Variants in NSUN3 observed in about 807,000 individuals in gnomAD.
NSUN3 encodes tRNA (cytosine(34)-C(5))-methyltransferase, mitochondrial.
A neutral mutation model predicts 36.8 loss-of-function variants in NSUN3; 24 were observed. The observed-to-expected ratio is 0.65, with a 90% CI of 0.47 to 0.92. The LOEUF (loss-of-function observed/expected upper bound fraction) is 0.92. Among genes scored for constraint, NSUN3 ranks in the 40% least tolerant of loss-of-function variants. The pLI is 0.00. For missense variants in NSUN3, 381 were observed against 392.8 expected, an observed-to-expected ratio of 0.97 and a Z score of 0.25; for synonymous variants, 146 against 145.2, an observed-to-expected ratio of 1.01 and a Z score of -0.04.
In NSUN3 at chr3:94,126,286, A is replaced by G; in HGVS notation, c.819A>G (p.Gln273=). ...GCACGCTTTCCAAGGCAGAAAATCA[A>G]GATGTGATCAGTGAAATTTTAAACT... ...STCTLSKAEN[Q]DVISEILNSH... The change falls in exon 6 of 6, where the codon CAA becomes CAG. Residue 273 remains glutamine (Q), a synonymous_variant. Coordinates refer to ENST00000314622, the MANE Select transcript of NSUN3 (RefSeq NM_022072.5). 5 of 1,614,138 alleles carry G rather than the reference A, an allele frequency of 3.1e-6. No homozygotes were observed. Among genetic ancestry groups the G allele is most frequent in the Non-Finnish European group, 4.2e-6 (5 of 1,179,998 alleles).
At chr3:94,104,796 G>A (rs2077379159) in intron 5 of NSUN3, among the ~76,000 whole-genome samples, 1 of 152,070 alleles carries the variant, frequency 6.6e-6, no homozygotes, top group South Asian at 2.1e-4. Flanking sequence ...TAAATAATTA[G>A]GAAGTTATGG....
chr3:94,110,452 G>A (rs1374878776), intron 5 of NSUN3, among the ~76,000 whole-genome samples: 1 of 152,002 alleles, frequency 6.6e-6, no homozygotes, highest in East Asian at 1.9e-4. Flanking sequence ...ATTCTCAGTA[G>A]GCTTGGATTT....
chr3:94,069,288 T>G (rs1439952683), intron 2 of NSUN3, among the ~76,000 whole-genome samples: 2 of 152,198 alleles, frequency 1.3e-5, no homozygotes, highest in South Asian at 4.1e-4. Flanking sequence ...CAAAATAGAA[T>G]AGGAAGCCAT....
At chr3:94,089,595 C>G (rs977275834) in intron 3 of NSUN3, among the ~76,000 whole-genome samples, 1 of 152,128 alleles carries the variant, frequency 6.6e-6, no homozygotes. Context: ...ACACACTGTG[C>G]GTGCTCACCT....
At chr3:94,117,121 C>A (rs190476347) in intron 5 of NSUN3, among the ~76,000 whole-genome samples, 97 of 151,398 alleles carry the variant, frequency 6.4e-4, no homozygotes, top group African/African-American at 2.3e-3. Context: ...GTCTTAGCCT[C>A]CCCAGTGGCT....
At chr3:94,063,566 A>C (rs1576077501) in intron 1 of NSUN3, among the ~76,000 whole-genome samples, 1 of 152,160 alleles carries the variant, frequency 6.6e-6, no homozygotes, top group East Asian at 1.9e-4. Flanking sequence ...AAGATAGTAC[A>C]GAGTTCTCAA....
chr3:94,091,449 A>T (rs2077314743), intron 3 of NSUN3, among the ~76,000 whole-genome samples: 1 of 152,208 alleles, frequency 6.6e-6, no homozygotes, highest in Admixed American at 6.5e-5. Context: ...AAAAAAATGA[A>T]TAGCAAAGGT....
Position 94,084,390 on chromosome 3 carries a change from C to G in NSUN3, c.406C>G (p.Leu136Val). 6.2e-7 allele frequency: 1 copy of G among 1,614,166 alleles called. No individual in the cohort carries two copies. The highest frequency in any genetic ancestry group is 8.5e-7 in the Non-Finnish European group (1 of 1,180,010). ...ALELRDGEKV[L>V]DLCAAPGGKS... ...GGAATTAAGGGATGGGGAGAAGGTTCTGGATCTCTGTGCTGCTCCTGGAGG... is the reference window on the plus strand; with the variant it reads ...GGAATTAAGGGATGGGGAGAAGGTTGTGGATCTCTGTGCTGCTCCTGGAGG... Residue 136 changes from leucine to valine, a missense_variant, in exon 3 of 6, where the codon CTG (leucine) becomes GTG (valine). Leu to Val is a conservative substitution (Grantham distance 32). Transcript: ENST00000314622.
At chr3:94,092,249 G>A (rs986897176) in intron 3 of NSUN3, among the ~76,000 whole-genome samples, 16 of 152,308 alleles carry the variant, frequency 1.1e-4, no homozygotes, top group Admixed American at 3.9e-4. Context: ...TCCTGAGAAG[G>A]CTCTGTAATT....
intron 2 of NSUN3, among the ~76,000 whole-genome samples, chr3:94,074,376 T>C (rs1462376014): frequency 2.6e-5 from 4 of 152,242 alleles, no homozygotes; most frequent in Non-Finnish European, 5.9e-5. Context: ...TAGCATTGAA[T>C]CTATAAGTTA....
chr3:94,125,708 T>TGTTGATTGGTCTGATTATCATTTTCCAA (rs2077482566), intron 5 of NSUN3, among the ~76,000 whole-genome samples: 2 of 152,212 alleles, frequency 1.3e-5, no homozygotes, highest in Non-Finnish European at 2.9e-5. Context: ...ATCTTTTCCA[T>TGTTGATTGGTCTGATTATCATTTTCCAA]GTTGATTGGT....
chr3:94,118,999 T>G (rs991347868), intron 5 of NSUN3, among the ~76,000 whole-genome samples: 8 of 152,158 alleles, frequency 5.3e-5, no homozygotes, highest in Non-Finnish European at 8.8e-5. Context: ...GCCATCTAAC[T>G]GTTGTAAAAA....
At position 94,081,271 on chromosome 3, in the gene NSUN3, G is replaced by A. The variant is rs531142309; in HGVS notation, c.123-2836G>A. Among the ~76,000 whole-genome samples, 22 of 152,216 alleles carry A rather than the reference G, an allele frequency of 1.4e-4. No individual in the cohort carries two copies. In the East Asian group the frequency reaches 1.9e-3, roughly 13 times the overall value. On this transcript the variant is annotated intron_variant, in intron 2 of 5. Coordinates refer to ENST00000314622, the MANE Select transcript of NSUN3 (RefSeq NM_022072.5). ...CCAACCAGTCCCAATGAGATGAACC[G>A]GGTCCCTCAGTTGGAAATGCAGAAA...
chr3:94,087,039 A>G (rs1050123543), intron 3 of NSUN3, among the ~76,000 whole-genome samples: 2 of 152,226 alleles, frequency 1.3e-5, no homozygotes, highest in Non-Finnish European at 1.5e-5. Context: ...TTGATTAGGA[A>G]CCCAAAGGCA....
At chr3:94,100,833 A>G (rs2077363064) in intron 5 of NSUN3, among the ~76,000 whole-genome samples, 1 of 152,158 alleles carries the variant, frequency 6.6e-6, no homozygotes, top group Non-Finnish European at 1.5e-5. Context: ...TTTATGTTAC[A>G]TAAGCAGTCT....
chr3:94,070,995 A>G (rs1483913344), intron 2 of NSUN3, among the ~76,000 whole-genome samples: 1 of 152,254 alleles, frequency 6.6e-6, no homozygotes, highest in African/African-American at 2.4e-5. Flanking sequence ...AAATATATTT[A>G]ATTCTCATCC....
At chr3:94,105,763 A>T (rs2077386307) in intron 5 of NSUN3, among the ~76,000 whole-genome samples, 1 of 152,146 alleles carries the variant, frequency 6.6e-6, no homozygotes, top group African/African-American at 2.4e-5. Flanking sequence ...ACACACACAC[A>T]CACGGTTTGA....
intron 2 of NSUN3, among the ~76,000 whole-genome samples, chr3:94,077,559 A>G (rs1208686084): frequency 2.0e-5 from 3 of 152,140 alleles, no homozygotes; most frequent in African/African-American, 4.8e-5. Flanking sequence ...CTGTGAATTC[A>G]TCTGGTCCTG....
chr3:94,121,942 TGA>T (rs1484006386), intron 5 of NSUN3, among the ~76,000 whole-genome samples: 1 of 151,538 alleles, frequency 6.6e-6, no homozygotes, highest in Non-Finnish European at 1.5e-5. Context: ...GTCAGGAGTT[TGA>T]GACCAGCCTG....
Sources: gnomAD v4.1 joint callset for allele counts (sites outside exome capture counted in the v4.1 genomes callset) on GRCh38, gnomAD v4.1.1 for gene constraint, MANE v1.5 for transcripts, NCBI Gene and HGNC (gene_info 2026-07-23, HGNC 2026-07-21) for gene names.